LRRC7: variants seen among roughly 807,000 people sequenced by gnomAD.
The protein encoded by LRRC7 is leucine rich repeat containing 7, also known as leucine-rich repeat-containing protein 7.
In LRRC7, 23 loss-of-function variants were observed where a neutral mutation model predicts 175.7. The observed-to-expected ratio is 0.13, with a 90% confidence interval of 0.09 to 0.19. LRRC7 has a LOEUF of 0.19. LRRC7 is among the 10% of genes least tolerant of loss of function. The pLI is 1.00. For missense variants in LRRC7, 1,354 were observed against 1,904.7 expected, an observed-to-expected ratio of 0.71 and a Z score of 5.38; for synonymous variants, 685 against 680.9, an observed-to-expected ratio of 1.01 and a Z score of -0.09.
intron 8 of LRRC7, among the ~76,000 whole-genome samples, chr1:69,945,227 C>T (rs1649183439): frequency 6.6e-6 from 1 of 151,986 alleles, no homozygotes; most frequent in Non-Finnish European, 1.5e-5. Flanking sequence ...TCAGCATATC[C>T]AACTTTCCCA....
intron 2 of LRRC7, among the ~76,000 whole-genome samples, chr1:69,717,185 GGTA>G (rs1665464089): frequency 6.6e-6 from 1 of 150,742 alleles, no homozygotes. Flanking sequence ...ACAAAATGAT[GGTA>G]GTATCCATAA....
chr1:69,621,489 C>T (rs777754564), intron 1 of LRRC7, among the ~76,000 whole-genome samples: 1 of 152,148 alleles, frequency 6.6e-6, no homozygotes, highest in Non-Finnish European at 1.5e-5. Flanking sequence ...ACTGAATTTA[C>T]ATCATGTTCT....
chr1:69,975,267 G>C (rs577167615), intron 8 of LRRC7, among the ~76,000 whole-genome samples: 2 of 152,164 alleles, frequency 1.3e-5, no homozygotes, highest in South Asian at 2.1e-4. Context: ...ATCATGAAAG[G>C]CCTTATGTTC....
At chr1:69,773,274 G>C (rs1255472866) in intron 3 of LRRC7, among the ~76,000 whole-genome samples, 1 of 152,166 alleles carries the variant, frequency 6.6e-6, no homozygotes, top group Admixed American at 6.5e-5. Context: ...AATGCATGAA[G>C]GGGAGGAATA....
In LRRC7 at chr1:70,141,450, T is replaced by C. The variant is rs955759486; in HGVS notation, c.*19563T>C. 1 of 152,066 alleles carries C rather than the reference T, an allele frequency of 6.6e-6. No individual in the cohort carries two copies. Among genetic ancestry groups the C allele is most frequent in the African/African-American group, 2.4e-5 (1 of 41,408 alleles). The allele number at this position is 152,066 out of a possible 1,614,324, so 9.4% of individuals were successfully genotyped here. On this transcript the variant is annotated 3_prime_UTR_variant, in exon 27 of 27. Coordinates refer to ENST00000651989, the MANE Select transcript of LRRC7 (RefSeq NM_001370785.2). ...TCCATTGTGGCTTGGCACTAAATTA[T>C]AGGCCTAGCAATCCTAAATCTCCTA...
chr1:69,737,349 TG>T lies in LRRC7; in HGVS notation c.101-22841del, dbSNP rs536293629. ...GGCAGTTCCCCTGCACAGGCTTTCT[TG>T]CCTGCCACCATGGAAGACATGCCTT... On this transcript the variant is annotated intron_variant, in intron 2 of 26. Transcript: ENST00000651989. Among the ~76,000 whole-genome samples the T allele has an allele frequency of 3.5e-3, 527 of 152,266 alleles. 5 individuals carry two copies. Among genetic ancestry groups the T allele is most frequent in the Non-Finnish European group, 4.6e-3 (315 of 68,000 alleles).
At chr1:69,789,241 A>G (rs1323014662) in intron 3 of LRRC7, among the ~76,000 whole-genome samples, 1 of 152,120 alleles carries the variant, frequency 6.6e-6, no homozygotes, top group Non-Finnish European at 1.5e-5. Context: ...AGAACACTTT[A>G]GTACCCAAAT....
intron 4 of LRRC7, among the ~76,000 whole-genome samples, chr1:69,799,582 T>G (rs182835157): frequency 7.6e-4 from 116 of 152,280 alleles, no homozygotes; most frequent in African/African-American, 2.7e-3. Context: ...ATTGTATTTG[T>G]GTGCTACATT....
chr1:69,648,451 T>C (rs1655314569), intron 1 of LRRC7, among the ~76,000 whole-genome samples: 1 of 152,060 alleles, frequency 6.6e-6, no homozygotes, highest in Non-Finnish European at 1.5e-5. Flanking sequence ...CCTTGCTCCA[T>C]GTCCAGGGAG....
chr1:69,967,131 GC>G (rs1651742791), intron 8 of LRRC7, among the ~76,000 whole-genome samples: 1 of 152,162 alleles, frequency 6.6e-6, no homozygotes. Context: ...AGTGAGACCA[GC>G]CGTTTGAATT....
At chr1:69,973,036 A>G (rs1652424924) in intron 8 of LRRC7, among the ~76,000 whole-genome samples, 1 of 146,192 alleles carries the variant, frequency 6.8e-6, no homozygotes, top group South Asian at 2.1e-4. Context: ...ATACTACTAT[A>G]TATAGTATAT....
intron 10 of LRRC7, among the ~76,000 whole-genome samples, chr1:69,993,369 T>C (rs1654622657): frequency 2.0e-5 from 3 of 152,182 alleles, no homozygotes; most frequent in Admixed American, 1.3e-4. Context: ...TAACAGAGCA[T>C]ACTGAAATGT....
intron 1 of LRRC7, among the ~76,000 whole-genome samples, chr1:69,670,209 T>C (rs1235412082): frequency 6.6e-6 from 1 of 152,182 alleles, no homozygotes; most frequent in Non-Finnish European, 1.5e-5. Flanking sequence ...GGCTTGTTTG[T>C]GCCCATCCTT....
At chr1:69,595,722 C>T (rs1332453696) in intron 1 of LRRC7, among the ~76,000 whole-genome samples, 5 of 152,072 alleles carry the variant, frequency 3.3e-5, no homozygotes, top group Non-Finnish European at 7.3e-5. Flanking sequence ...GCATGGCATT[C>T]CTCATTTCGA....
At chr1:70,083,715 C>T (rs1383083224) in intron 24 of LRRC7, among the ~76,000 whole-genome samples, 1 of 152,156 alleles carries the variant, frequency 6.6e-6, no homozygotes, top group East Asian at 1.9e-4. Flanking sequence ...GCTAACTCTA[C>T]CAAACCTACT....
intron 3 of LRRC7, among the ~76,000 whole-genome samples, chr1:69,783,645 A>G (rs6666257): frequency 0.47 from 71,366 of 150,402 alleles, 17,599 homozygotes; most frequent in African/African-American, 0.61. Flanking sequence ...CCAGCTACCC[A>G]GGAGGCTGAG....
At chr1:69,857,764 A>G (rs1384957320) in intron 7 of LRRC7, among the ~76,000 whole-genome samples, 1 of 152,188 alleles carries the variant, frequency 6.6e-6, no homozygotes, top group Non-Finnish European at 1.5e-5. Flanking sequence ...AAGCTACTTT[A>G]AAGTTCATAT....
intron 8 of LRRC7, among the ~76,000 whole-genome samples, chr1:69,939,472 C>G (rs1043712409): frequency 6.6e-6 from 1 of 151,974 alleles, no homozygotes; most frequent in Non-Finnish European, 1.5e-5. Flanking sequence ...ATAAAAAGAG[C>G]AAGTCCCTCT....
intron 25 of LRRC7, among the ~76,000 whole-genome samples, chr1:70,094,683 A>G (rs1244810569): frequency 1.3e-5 from 2 of 152,186 alleles, no homozygotes; most frequent in African/African-American, 4.8e-5. Flanking sequence ...TATTAAGAAA[A>G]GAAGGACCCT....
Sources: allele counts gnomAD v4.1 joint callset (sites outside exome capture counted in the v4.1 genomes callset), GRCh38; gene constraint gnomAD v4.1.1; transcripts MANE v1.5; gene names NCBI Gene and HGNC (gene_info 2026-07-23, HGNC 2026-07-21).